Variants in CNGA3 observed in about 807,000 individuals in gnomAD.
CNGA3 encodes the protein cyclic nucleotide gated channel subunit alpha 3, also known as cyclic nucleotide-gated channel alpha-3.
In CNGA3, 42 loss-of-function variants were observed where a neutral mutation model predicts 46.6. The ratio of observed to expected loss-of-function variants is 0.90; its 90% CI spans 0.70 to 1.17. CNGA3 has a LOEUF of 1.17. Ranked by LOEUF, CNGA3 falls within the 50% of genes most tolerant of loss-of-function variation. The pLI, the probability that CNGA3 is intolerant of heterozygous loss-of-function variation, is 0.00. For missense variants in CNGA3, 893 were observed against 890.7 expected (o/e 1.00, Z -0.03); for synonymous variants, 394 against 369.4 (o/e 1.07, Z -0.76).
At chr2:98,372,425 G>A (rs1439124074) in intron 2 of CNGA3, among the ~76,000 whole-genome samples, 2 of 152,202 alleles carry the variant, frequency 1.3e-5, no homozygotes, top group Admixed American at 6.5e-5. Flanking sequence ...CAGCCACATG[G>A]TCAGGGGCTC....
At chr2:98,365,806 A>T (rs1692135055) in intron 1 of CNGA3, among the ~76,000 whole-genome samples, 2 of 152,138 alleles carry the variant, frequency 1.3e-5, no homozygotes, top group Non-Finnish European at 2.9e-5. Flanking sequence ...GTAATGTTTT[A>T]TCATGGTTCT....
At chr2:98,362,108 T>C (rs1056773880) in intron 1 of CNGA3, among the ~76,000 whole-genome samples, 5 of 152,118 alleles carry the variant, frequency 3.3e-5, no homozygotes, top group African/African-American at 1.2e-4. Context: ...TAAGCTTTTT[T>C]TCATATGTTT....
chr2:98,358,941 C>T (rs1691956543), intron 1 of CNGA3, among the ~76,000 whole-genome samples: 1 of 152,198 alleles, frequency 6.6e-6, no homozygotes, highest in South Asian at 2.1e-4. Flanking sequence ...GCCCAAATAT[C>T]TAAAAGTTAA....
At position 98,383,378 on chromosome 2, in the gene CNGA3, CT is replaced by C. The variant is rs1172750362; in HGVS notation, c.396-8del. On this transcript the variant is annotated splice_polypyrimidine_tract_variant and intron_variant, in intron 4 of 7. Transcript: ENST00000272602. Reference sequence around the variant, plus strand: ...TTCAGACCCTTGATGTTCTCTCTACCTTCCCGCAGCGCCTGGCCCCTGGCCA... The same window carrying C: ...TTCAGACCCTTGATGTTCTCTCTACCTCCCGCAGCGCCTGGCCCCTGGCCA... 6.2e-7 allele frequency: 1 copy of C among 1,614,074 alleles called. No individual in the cohort carries two copies. The highest frequency in any genetic ancestry group is 8.5e-7 in the Non-Finnish European group (1 of 1,179,970).
At chr2:98,364,343 A>C (rs1010048809) in intron 1 of CNGA3, among the ~76,000 whole-genome samples, 3 of 152,128 alleles carry the variant, frequency 2.0e-5, no homozygotes, top group Non-Finnish European at 4.4e-5. Flanking sequence ...GCACCACTGC[A>C]CTCCAGCCTG....
intron 1 of CNGA3, among the ~76,000 whole-genome samples, chr2:98,349,998 G>C (rs1691739201): frequency 6.6e-6 from 1 of 152,196 alleles, no homozygotes. Flanking sequence ...TTTGCTCCAA[G>C]GAAAACTCTT....
chr2:98,390,819 T>C (rs111637686), intron 6 of CNGA3, among the ~76,000 whole-genome samples: 6,977 of 152,218 alleles, frequency 0.046, 562 homozygotes, highest in African/African-American at 0.16. Context: ...GTTGGTCTTC[T>C]GAGGGTACAC....
Position 98,396,619 on chromosome 2 carries a change from C to T in CNGA3, c.1449C>T (p.Phe483=). ...ACACGCTGAAGAAGGTTCGCATCTTCCAGGACTGTGAGGCAGGGCTGCTGG... is the reference window on the plus strand; with the variant it reads ...ACACGCTGAAGAAGGTTCGCATCTTTCAGGACTGTGAGGCAGGGCTGCTGG... The part of the protein sequence containing the change: ...HLDTLKKVRI[F]QDCEAGLLVE... Residue 483 remains phenylalanine, a synonymous_variant, in exon 8 of 8, where the codon TTC becomes TTT. Coordinates refer to ENST00000272602, the MANE Select transcript of CNGA3 (RefSeq NM_001298.3). 1 of 1,614,054 alleles carries T rather than the reference C, an allele frequency of 6.2e-7. No individual in the cohort carries two copies. Among genetic ancestry groups the T allele is most frequent in the Non-Finnish European group, 8.5e-7 (1 of 1,179,988 alleles).
rs564528090 is a variant in CNGA3 at position 98,386,835 on chromosome 2, A to G, written c.450-2823A>G. On this transcript the variant is annotated intron_variant, in intron 5 of 7. Coordinates refer to ENST00000272602, the MANE Select transcript of CNGA3 (RefSeq NM_001298.3). ...CACAGCCTCGAAAGGTGCAGCCAGC[A>G]GGGAAACAGGGATCTCAGCCCCACA... Among the ~76,000 whole-genome samples, 4 of 152,304 alleles carry G rather than the reference A, an allele frequency of 2.6e-5. No individual in the cohort carries two copies. The East Asian group carries it at 7.7e-4, about 29-fold the overall frequency.
chr2:98,396,016 C>T lies in CNGA3; in HGVS notation c.846C>T (p.Ser282=), dbSNP rs545024229. 8.6e-5 allele frequency: 139 copies of T among 1,614,164 alleles called. 1 individual carries two copies. In the Middle Eastern group the frequency reaches 9.9e-4, roughly 11 times the overall value. ...GGTTCAACCGCCTACTGAAGTTTTCCCGGCTCTTTGAATTCTTTGACCGCA... is the reference window on the plus strand; with the variant it reads ...GGTTCAACCGCCTACTGAAGTTTTCTCGGCTCTTTGAATTCTTTGACCGCA... The part of the protein sequence containing the change: ...EVRFNRLLKF[S]RLFEFFDRTE... The change falls in exon 8 of 8, where the codon TCC becomes TCT. Residue 282 remains serine, a synonymous_variant. Transcript: ENST00000272602.
chr2:98,350,317 G>T (rs757359895), intron 1 of CNGA3, among the ~76,000 whole-genome samples: 6 of 152,140 alleles, frequency 3.9e-5, no homozygotes, highest in Non-Finnish European at 7.3e-5. Flanking sequence ...CTGACATATC[G>T]TAAGTGCTCA....
rs1326071763 is a variant in CNGA3 at position 98,396,671 on chromosome 2, A to G, written c.1501A>G (p.Thr501Ala). The G allele has an allele frequency of 1.9e-6, 3 of 1,614,160 alleles. No individual in the cohort carries two copies. Among genetic ancestry groups the G allele is most frequent in the South Asian group, 2.2e-5 (2 of 91,080 alleles). The change falls in exon 8 of 8, where the codon ACT (threonine) becomes GCT (alanine). Residue 501 changes from threonine (T) to alanine (A), a missense_variant. Around this residue, in one of 3 missense-constraint regions of CNGA3, gnomAD observed 548 missense variants for 570.8 expected, o/e 0.96. Transcript: ENST00000272602. ...LVELVLKLRP[T>A]VFSPGDYICK... is the part of the protein sequence containing the mutation. ...GGAGCTGGTGCTGAAGCTGCGACCC[A>G]CTGTGTTCAGCCCTGGGGATTATAT...
At chr2:98,355,115 T>A (rs148403246) in intron 1 of CNGA3, among the ~76,000 whole-genome samples, 1 of 152,332 alleles carries the variant, frequency 6.6e-6, no homozygotes, top group East Asian at 1.9e-4. Context: ...ATTACATTGA[T>A]TGAGTTTGGG....
intron 1 of CNGA3, among the ~76,000 whole-genome samples, chr2:98,364,379 AAAATAAAT>A (rs58612453): frequency 1.3e-5 from 2 of 151,444 alleles, no homozygotes; most frequent in African/African-American, 2.4e-5. Context: ...CTCCATCTCA[AAAATAAAT>A]AAATAAATAA....
chr2:98,395,561 T>G (rs757838987), intron 7 of CNGA3, among the ~76,000 whole-genome samples: 2 of 152,346 alleles, frequency 1.3e-5, no homozygotes, highest in Middle Eastern at 6.8e-3. Flanking sequence ...CTTTTAAAAT[T>G]TAATAATCAT....
At chr2:98,362,173 C>CTTTTTTTTT (rs1231791527) in intron 1 of CNGA3, among the ~76,000 whole-genome samples, 3 of 89,832 alleles carry the variant, frequency 3.3e-5, no homozygotes, top group African/African-American at 8.5e-5. Context: ...CCTTTGCCCA[C>CTTTTTTTTT]TTTTTTTTTT....
At chr2:98,364,723 A>G (rs1024089919) in intron 1 of CNGA3, among the ~76,000 whole-genome samples, 1 of 152,066 alleles carries the variant, frequency 6.6e-6, no homozygotes, top group African/African-American at 2.4e-5. Context: ...TGGTCTTTGT[A>G]TTTCAGTCTG....
intron 3 of CNGA3, 167 bp from the exon 4 acceptor site, chr2:98,380,008 G>A: frequency 1.3e-6 from 1 of 762,302 alleles, no homozygotes; most frequent in South Asian, 1.6e-5. Flanking sequence ...TGCAAACTTA[G>A]ACCACAGGGC....
chr2:98,348,912 G>A (rs1691708026), intron 1 of CNGA3, among the ~76,000 whole-genome samples: 1 of 152,116 alleles, frequency 6.6e-6, no homozygotes, highest in Non-Finnish European at 1.5e-5. Flanking sequence ...TGAGAGAGGT[G>A]GGAGTGACTG....
Sources: allele counts gnomAD v4.1 joint callset (sites outside exome capture counted in the v4.1 genomes callset), GRCh38; gene constraint gnomAD v4.1.1; regional missense constraint gnomAD v4.1.1; transcripts MANE v1.5; gene names NCBI Gene and HGNC (gene_info 2026-07-23, HGNC 2026-07-21).